The following NUP37 variants were observed in gnomAD, a reference collection of about 807,000 sequenced individuals.
The protein encoded by NUP37 is nucleoporin 37.
Under a neutral mutation model 45.4 loss-of-function variants are expected in NUP37, and 33 were observed. That is an observed-to-expected ratio of 0.73 (90% confidence interval 0.55 to 0.97). The LOEUF (loss-of-function observed/expected upper bound fraction) is 0.97. Among genes scored for constraint, NUP37 ranks in the 50% least tolerant of loss-of-function variants. The pLI is 0.00. For synonymous variants in NUP37, 127 were observed against 130.7 expected (o/e 0.97, Z 0.19); for missense variants, 365 against 389.7 (o/e 0.94, Z 0.53).
chr12:102,098,989 T>G (rs1006648070), intron 5 of NUP37, 117 bp downstream of exon 5: 31 of 752,970 alleles, frequency 4.1e-5, no homozygotes, highest in Non-Finnish European at 7.0e-5. Flanking sequence ...AAGGTATGCT[T>G]CTTTTACAAC....
Position 102,085,857 on chromosome 12 carries a change from CTAAT to C in NUP37, c.450-5_450-2del. 6.7e-7 allele frequency: 1 copy of C among 1,491,166 alleles called. No homozygotes were observed. Among genetic ancestry groups the C allele is most frequent in the Non-Finnish European group, 9.3e-7 (1 of 1,077,858 alleles). The allele number at this position is 1,491,166 out of a possible 1,614,324, so 92.4% of individuals were successfully genotyped here. A position where few individuals can be genotyped will look rare whatever the true frequency, so the allele number is the denominator to read the frequency against. On this transcript the variant is annotated splice_acceptor_variant and splice_polypyrimidine_tract_variant and intron_variant, in intron 5 of 9. Transcript: ENST00000552283. LOFTEE classifies it high-confidence loss of function. Reference sequence around the variant, plus strand: ...TTGCACTCCTTCCAAGTTCCAAATCCTAATAAAAGAATAACAGTATAATGTTAAT... The same window carrying C: ...TTGCACTCCTTCCAAGTTCCAAATCCAAAAGAATAACAGTATAATGTTAAT...
intron 2 of NUP37, among the ~76,000 whole-genome samples, chr12:102,112,695 T>C (rs149268372): frequency 8.5e-5 from 13 of 152,136 alleles, no homozygotes; most frequent in Non-Finnish European, 1.9e-4. Flanking sequence ...TCTAGGTAAA[T>C]GAATTACCAG....
At chr12:102,119,272 G>C (rs57973669) in intron 1 of NUP37, 6,821 of 152,270 alleles carry the variant, frequency 0.045, 426 homozygotes, top group East Asian at 0.3. Flanking sequence ...CAGGGGGTTG[G>C]GCGGAGGGAG....
intron 5 of NUP37, among the ~76,000 whole-genome samples, chr12:102,089,771 C>T (rs1036680435): frequency 1.3e-5 from 2 of 152,084 alleles, no homozygotes; most frequent in African/African-American, 2.4e-5. Flanking sequence ...CGGGCAGAGG[C>T]GCCCCTCAAT....
rs776083515 is a variant in NUP37, at chr12:102,074,444, G to A, written c.891C>T (p.Ala297=). ...GATGCCAGGACAGTCCAGATCCAAC[G>A]GCTACAGAACCCATGAGGATGGGCT... ...HPQPILMGSV[A]VGSGLSWHRT... is the part of the protein sequence containing the mutation. The change falls in exon 10 of 10, where the codon GCC becomes GCT. Residue 297 remains alanine (A), a synonymous_variant. Coordinates refer to ENST00000552283, the MANE Select transcript of NUP37 (RefSeq NM_024057.4). 1.7e-5 allele frequency: 28 copies of A among 1,609,040 alleles called. No homozygotes were observed. Among genetic ancestry groups the A allele is most frequent in the Non-Finnish European group, 2.1e-5 (25 of 1,177,078 alleles).
At chr12:102,079,368 T>C (rs1018473439) in intron 6 of NUP37, among the ~76,000 whole-genome samples, 2 of 152,226 alleles carry the variant, frequency 1.3e-5, no homozygotes, top group Admixed American at 1.3e-4. Flanking sequence ...TGAGCATCTA[T>C]GTTATACACA....
chr12:102,077,756 A>AG (rs890906615), intron 6 of NUP37, among the ~76,000 whole-genome samples: 7 of 152,232 alleles, frequency 4.6e-5, no homozygotes, highest in Admixed American at 2.6e-4. Flanking sequence ...TATTAAAAAA[A>AG]GTTATATAAA....
At chr12:102,105,845 G>A (rs963954144) in intron 3 of NUP37, among the ~76,000 whole-genome samples, 4 of 139,864 alleles carry the variant, frequency 2.9e-5, no homozygotes, top group East Asian at 4.3e-4. Context: ...CTGGGTGACA[G>A]AGCGGGACTC....
chr12:102,090,617 C>T (rs558433695), intron 5 of NUP37, among the ~76,000 whole-genome samples: 119 of 152,200 alleles, frequency 7.8e-4, no homozygotes, highest in African/African-American at 2.6e-3. Flanking sequence ...AAAAAACTCA[C>T]TCATATTAGG....
intron 3 of NUP37, among the ~76,000 whole-genome samples, chr12:102,111,397 A>T (rs1197124644): frequency 6.6e-6 from 1 of 152,198 alleles, no homozygotes; most frequent in Non-Finnish European, 1.5e-5. Flanking sequence ...AACTGATCAA[A>T]CTATACCCTT....
chr12:102,117,047 G>GA (rs1880484534), intron 2 of NUP37, among the ~76,000 whole-genome samples: 1 of 152,130 alleles, frequency 6.6e-6, no homozygotes, highest in African/African-American at 2.4e-5. Context: ...AGTAAAGGAG[G>GA]AAATAACATT....
Position 102,112,199 on chromosome 12 carries a change from T to G in NUP37, c.190A>C (p.Lys64Gln). 2 of 1,613,642 alleles carry G rather than the reference T, an allele frequency of 1.2e-6. No individual in the cohort carries two copies. The highest frequency in any genetic ancestry group is 2.2e-5 in the South Asian group (2 of 91,054). Residue 64 changes from lysine to glutamine, a missense_variant, in exon 3 of 10, where the codon AAA becomes CAA. Physicochemically the swap from Lys to Gln is moderately conservative, Grantham distance 53 (BLOSUM62 1). Transcript: ENST00000552283. Reference protein sequence around the residue: ...EEADVEGIQYKTLRTFHHGVR... With the variant: ...EEADVEGIQYQTLRTFHHGVR... Reference sequence around the variant, plus strand: ...CCATGGTGAAATGTTCGAAGTGTTTTATACTGAATGCCTTCAACGTCTGCT... The same window carrying G: ...CCATGGTGAAATGTTCGAAGTGTTTGATACTGAATGCCTTCAACGTCTGCT...
intron 6 of NUP37, among the ~76,000 whole-genome samples, chr12:102,085,420 T>TA (rs1434697563): frequency 2.6e-5 from 4 of 151,210 alleles, no homozygotes; most frequent in Admixed American, 6.6e-5. Context: ...AGACCCTGTC[T>TA]AAAAAAAACA....
chr12:102,106,463 A>G (rs1039050907), intron 3 of NUP37, among the ~76,000 whole-genome samples: 2 of 152,166 alleles, frequency 1.3e-5, no homozygotes, highest in Non-Finnish European at 2.9e-5. Context: ...TTAGCTATGC[A>G]ACTTGAAGAT....
chr12:102,092,598 A>G (rs1879687044), intron 5 of NUP37, among the ~76,000 whole-genome samples: 1 of 152,196 alleles, frequency 6.6e-6, no homozygotes, highest in Admixed American at 6.5e-5. Flanking sequence ...TTAGCAAATG[A>G]GCACACAATT....
intron 3 of NUP37, among the ~76,000 whole-genome samples, chr12:102,105,624 G>C (rs1404087743): frequency 6.6e-6 from 1 of 152,004 alleles, no homozygotes; most frequent in African/African-American, 2.4e-5. Context: ...AGCACTTCCG[G>C]TGGCCAAGGT....
Position 102,076,647 on chromosome 12 carries a change from T to C in NUP37, c.773+150A>G, listed in dbSNP as rs1262472409. On this transcript the variant is annotated intron_variant, in intron 8 of 9. Coordinates refer to ENST00000552283, the MANE Select transcript of NUP37 (RefSeq NM_024057.4). Reference sequence around the variant, plus strand: ...TGTCTAGACCAAAAGACAAAGGCAATGACTTAGTCGGGAAAGTAAAATAAC... The same window carrying C: ...TGTCTAGACCAAAAGACAAAGGCAACGACTTAGTCGGGAAAGTAAAATAAC... 3.3e-5 allele frequency: 20 copies of C among 605,606 alleles called. No homozygotes were observed. In the Admixed American group the frequency reaches 5.2e-4, roughly 16 times the overall value. 37.5% of individuals were successfully genotyped at this position (605,606 alleles called of 1,614,324 possible).
At chr12:102,098,656 C>G (rs1384741844) in intron 5 of NUP37, among the ~76,000 whole-genome samples, 2 of 152,004 alleles carry the variant, frequency 1.3e-5, no homozygotes, top group Non-Finnish European at 2.9e-5. Flanking sequence ...CTCAGTCCCC[C>G]GAGTAGCTGG....
intron 3 of NUP37, among the ~76,000 whole-genome samples, chr12:102,105,935 C>T (rs1880138756): frequency 6.6e-6 from 1 of 151,450 alleles, no homozygotes. Flanking sequence ...ACGAGTGCTG[C>T]CTTATTTGAA....
Sources: gnomAD v4.1 joint callset for allele counts (sites outside exome capture counted in the v4.1 genomes callset) on GRCh38, gnomAD v4.1.1 for gene constraint, MANE v1.5 for transcripts, NCBI Gene and HGNC (gene_info 2026-07-23, HGNC 2026-07-21) for gene names.